ADAMTS12: variants seen among roughly 807,000 people sequenced by gnomAD.
The protein encoded by ADAMTS12 is A disintegrin and metalloproteinase with thrombospondin motifs 12.
In ADAMTS12, 118 loss-of-function variants were observed where a neutral mutation model predicts 167.8. That is an observed-to-expected ratio of 0.70 (90% CI 0.61 to 0.82). The LOEUF is 0.82. ADAMTS12 is among the 40% of genes least tolerant of loss of function. The pLI is 0.00. For synonymous variants in ADAMTS12, 704 were observed against 716.9 expected, an observed-to-expected ratio of 0.98 and a Z score of 0.29; for missense variants, 1,916 against 1,998.8, an observed-to-expected ratio of 0.96 and a Z score of 0.79.
intron 2 of ADAMTS12, among the ~76,000 whole-genome samples, chr5:33,755,063 TGTTCCCTCTCCA>T (rs1745122294): frequency 6.6e-6 from 1 of 152,174 alleles, no homozygotes; most frequent in Admixed American, 6.5e-5. Flanking sequence ...AGAGACTCCC[TGTTCCCTCTCCA>T]GATCAATAAC....
chr5:33,785,259 A>G (rs916907274), intron 2 of ADAMTS12, among the ~76,000 whole-genome samples: 2 of 152,120 alleles, frequency 1.3e-5, no homozygotes, highest in African/African-American at 4.8e-5. Context: ...ACCTTGGATA[A>G]GGCCAAAATT....
intron 14 of ADAMTS12, among the ~76,000 whole-genome samples, chr5:33,619,388 C>G (rs1013482862): frequency 1.3e-5 from 2 of 152,252 alleles, no homozygotes; most frequent in Middle Eastern, 3.4e-3. Flanking sequence ...TAGTAAAAGT[C>G]CTTTTTAGCA....
At chr5:33,620,783 G>A (rs763574950) in intron 14 of ADAMTS12, among the ~76,000 whole-genome samples, 2 of 151,916 alleles carry the variant, frequency 1.3e-5, no homozygotes, top group South Asian at 2.1e-4. Flanking sequence ...TTTCTGATGT[G>A]TCTAGGCTAC....
chr5:33,534,302 C>T (rs769702042), intron 23 of ADAMTS12, among the ~76,000 whole-genome samples: 2 of 123,388 alleles, frequency 1.6e-5, no homozygotes, highest in Non-Finnish European at 3.2e-5. Context: ...AGAAGGCACC[C>T]TGGCTGTGTC....
Position 33,740,630 on chromosome 5 carries a change from G to A in ADAMTS12, c.634+10774C>T, listed in dbSNP as rs143722168. Among the ~76,000 whole-genome samples the A allele has an allele frequency of 2.6e-3, 391 of 152,318 alleles. 2 individuals carry two copies. Among genetic ancestry groups the A allele is most frequent in the African/African-American group, 8.8e-3 (366 of 41,564 alleles). The stretch of plus-strand genomic sequence containing the variant: ...TCCCACTCCAAGACACTGCGGGCAC[G>A]CACCCAATCCTGACCCTCCCCATGT... On this transcript the variant is annotated intron_variant, in intron 3 of 23. Coordinates refer to ENST00000504830, the MANE Select transcript of ADAMTS12 (RefSeq NM_030955.4).
At chr5:33,566,383 G>A (rs1217477128) in intron 19 of ADAMTS12, among the ~76,000 whole-genome samples, 1 of 152,104 alleles carries the variant, frequency 6.6e-6, no homozygotes, top group Non-Finnish European at 1.5e-5. Flanking sequence ...AAGACTGCTT[G>A]AGCTCAGGAG....
At chr5:33,809,064 A>AT (rs1430774108) in intron 2 of ADAMTS12, among the ~76,000 whole-genome samples, 1 of 152,006 alleles carries the variant, frequency 6.6e-6, no homozygotes, top group African/African-American at 2.4e-5. Context: ...TATTGAAGTA[A>AT]TTTTTCCGCA....
At chr5:33,553,164 G>A (rs1181781733) in intron 20 of ADAMTS12, among the ~76,000 whole-genome samples, 1 of 152,104 alleles carries the variant, frequency 6.6e-6, no homozygotes, top group Non-Finnish European at 1.5e-5. Context: ...ACCACAATGA[G>A]ATACCATTTC....
At chr5:33,891,258 C>T (rs1750831919) in intron 1 of ADAMTS12, among the ~76,000 whole-genome samples, 1 of 152,154 alleles carries the variant, frequency 6.6e-6, no homozygotes, top group Non-Finnish European at 1.5e-5. Context: ...AACCAAAACA[C>T]AGCCAAGCCT....
rs148434218 is a variant in ADAMTS12, at chr5:33,538,270, A to T, written c.4447-3278T>A. The stretch of plus-strand genomic sequence containing the variant: ...GGAGAGTGGGGAGTGAAATGGGAAG[A>T]GCACCTTATAAAACCATCAGATCTT... On this transcript the variant is annotated intron_variant, in intron 22 of 23. Transcript: ENST00000504830. 9.2e-5 allele frequency among the ~76,000 whole-genome samples: 14 copies of T among 152,298 alleles called. No individual in the cohort carries two copies. In the East Asian group the frequency reaches 2.1e-3, roughly 23 times the overall value.
chr5:33,847,518 G>T (rs1344524394), intron 2 of ADAMTS12, among the ~76,000 whole-genome samples: 4 of 152,086 alleles, frequency 2.6e-5, no homozygotes, highest in Non-Finnish European at 4.4e-5. Context: ...AGCTACTCGG[G>T]AGGCTGAGGC....
intron 3 of ADAMTS12, among the ~76,000 whole-genome samples, chr5:33,725,299 C>T (rs964959742): frequency 5.9e-5 from 9 of 152,160 alleles, no homozygotes; most frequent in African/African-American, 7.2e-5. Context: ...TTCTGGGTTG[C>T]CTGGCTCCCT....
At chr5:33,860,566 T>C (rs1175238462) in intron 2 of ADAMTS12, among the ~76,000 whole-genome samples, 2 of 152,138 alleles carry the variant, frequency 1.3e-5, no homozygotes, top group Non-Finnish European at 2.9e-5. Context: ...TCGAGGAGAA[T>C]GGAACCAAGT....
intron 19 of ADAMTS12, among the ~76,000 whole-genome samples, chr5:33,568,896 C>T (rs985300706): frequency 5.3e-5 from 8 of 152,256 alleles, no homozygotes; most frequent in Non-Finnish European, 1.2e-4. Context: ...CACCTGAATA[C>T]TGCGCTTTTC....
chr5:33,760,809 T>C (rs1004370029), intron 2 of ADAMTS12, among the ~76,000 whole-genome samples: 2 of 152,188 alleles, frequency 1.3e-5, no homozygotes, highest in Admixed American at 6.5e-5. Flanking sequence ...CATTTTTTAC[T>C]ACCTATCTTG....
chr5:33,664,853 G>T (rs955057874), intron 5 of ADAMTS12, among the ~76,000 whole-genome samples: 2 of 152,090 alleles, frequency 1.3e-5, no homozygotes, highest in South Asian at 4.1e-4. Context: ...GTTCACTGCA[G>T]AATTATTCAC....
rs140577749 is a variant in ADAMTS12 at position 33,890,477 on chromosome 5, G to A, written c.127+1253C>T. On this transcript the variant is annotated intron_variant, in intron 1 of 23. Transcript: ENST00000504830. Reference sequence around the variant, plus strand: ...GCTTCTGATACGTCTTGAAGCCACAGCAGATGAGTTGTCCAGCAATATTTG... The same window carrying A: ...GCTTCTGATACGTCTTGAAGCCACAACAGATGAGTTGTCCAGCAATATTTG... 1.7e-4 allele frequency among the ~76,000 whole-genome samples: 26 copies of A among 152,314 alleles called. No individual in the cohort carries two copies. The East Asian group carries it at 4.2e-3, about 25-fold the overall frequency.
chr5:33,842,994 C>T (rs1175869245), intron 2 of ADAMTS12, among the ~76,000 whole-genome samples: 1 of 152,184 alleles, frequency 6.6e-6, no homozygotes, highest in Admixed American at 6.5e-5. Context: ...GTGGCTGGCA[C>T]TCACAGTCTA....
intron 11 of ADAMTS12, among the ~76,000 whole-genome samples, chr5:33,640,780 TACTA>T (rs1350458556): frequency 2.6e-5 from 4 of 151,110 alleles, no homozygotes; most frequent in Non-Finnish European, 5.9e-5. Context: ...TCCTTACACA[TACTA>T]ACTTATTAAC....
Sources: allele counts gnomAD v4.1 joint callset (sites outside exome capture counted in the v4.1 genomes callset), GRCh38; gene constraint gnomAD v4.1.1; transcripts MANE v1.5; gene names NCBI Gene and HGNC (gene_info 2026-07-23, HGNC 2026-07-21).